ASTN2: variants seen among roughly 807,000 people sequenced by gnomAD.
ASTN2 encodes the protein astrotactin-2.
Under a neutral mutation model 139.8 loss-of-function variants are expected in ASTN2, and 54 were observed. The ratio of observed to expected loss-of-function variants is 0.39; its 90% CI spans 0.31 to 0.48. ASTN2 has a LOEUF of 0.48. Among genes scored for constraint, ASTN2 ranks in the 20% least tolerant of loss-of-function variants. The pLI is 0.95. For missense variants in ASTN2, 1,565 were observed against 1,725.1 expected (o/e 0.91, Z 1.64); for synonymous variants, 756 against 719.5 (o/e 1.05, Z -0.81).
At chr9:117,322,049 C>A (rs903350493) in intron 1 of ASTN2, among the ~76,000 whole-genome samples, 1 of 152,130 alleles carries the variant, frequency 6.6e-6, no homozygotes, top group African/African-American at 2.4e-5. Context: ...ATTCTGGTCC[C>A]TCTGTTTGGA....
intron 10 of ASTN2, among the ~76,000 whole-genome samples, chr9:116,912,327 A>G (rs1834334515): frequency 6.6e-6 from 1 of 152,224 alleles, no homozygotes; most frequent in Non-Finnish European, 1.5e-5. Flanking sequence ...TCTCTTTCCT[A>G]GGCTTAGAGT....
chr9:116,721,740 G>A (rs923620174), intron 16 of ASTN2, among the ~76,000 whole-genome samples: 4 of 152,100 alleles, frequency 2.6e-5, no homozygotes, highest in African/African-American at 4.8e-5. Context: ...AGTCCCCTAC[G>A]GACTACTGGA....
Position 116,698,530 on chromosome 9 carries a change from C to G in ASTN2, c.2806+27241G>C. On this transcript the variant is annotated intron_variant, in intron 16 of 22. Transcript: ENST00000313400. This position sits in a 1 kb window ranked among gnomAD's most constrained non-coding sequence, Gnocchi z 4.4. ...GAGGAGACAGCTGATGAGGAGGAGC[C>G]AGAGCTCACTGCCAGCTTGCCTCGG... The G allele has an allele frequency of 6.2e-7, 1 of 1,613,780 alleles. No individual in the cohort carries two copies. The highest frequency in any genetic ancestry group is 1.3e-5 in the African/African-American group (1 of 75,024).
In ASTN2 at chr9:116,425,633, A is replaced by C. The variant is rs1183915214; in HGVS notation, c.*218T>G. Reference sequence around the variant, plus strand: ...TGATAGAGTCAAATAATATCTTTGAAAAAATAAAAGATAGAGAAAAATGAA... The same window carrying C: ...TGATAGAGTCAAATAATATCTTTGACAAAATAAAAGATAGAGAAAAATGAA... On this transcript the variant is annotated 3_prime_UTR_variant, in exon 23 of 23. Transcript: ENST00000313400. 6.2e-7 allele frequency: 1 copy of C among 1,612,578 alleles called. No homozygotes were observed. Among genetic ancestry groups the C allele is most frequent in the Non-Finnish European group, 8.5e-7 (1 of 1,179,428 alleles).
chr9:116,644,941 C>CAATTCTTTATCTG (rs1337146874), intron 17 of ASTN2, among the ~76,000 whole-genome samples: 2 of 152,102 alleles, frequency 1.3e-5, no homozygotes, highest in Admixed American at 1.3e-4. Context: ...AAATGGAGAC[C>CAATTCTTTATCTG]TAGACAGTAG....
chr9:116,960,485 TTC>T (rs1250820717), intron 10 of ASTN2, among the ~76,000 whole-genome samples: 3 of 150,534 alleles, frequency 2.0e-5, no homozygotes, highest in African/African-American at 4.9e-5. Flanking sequence ...TTTTTTTTTT[TTC>T]ATCCATTCAA....
intron 19 of ASTN2, among the ~76,000 whole-genome samples, chr9:116,535,968 T>C (rs1411104604): frequency 6.6e-6 from 1 of 152,202 alleles, no homozygotes; most frequent in Non-Finnish European, 1.5e-5. Context: ...CTTGGTTCCA[T>C]TCTCCCCGTC....
chr9:117,052,355 G>T (rs1441619285), intron 5 of ASTN2, among the ~76,000 whole-genome samples: 2 of 149,926 alleles, frequency 1.3e-5, no homozygotes, highest in Non-Finnish European at 3.0e-5. Context: ...CAGGAGAATG[G>T]TGTGAACCCA....
At chr9:116,661,292 T>C (rs1858543237) in intron 16 of ASTN2, among the ~76,000 whole-genome samples, 1 of 152,286 alleles carries the variant, frequency 6.6e-6, no homozygotes, top group African/African-American at 2.4e-5. Context: ...GGGAAATCTC[T>C]GTTCTGATCC....
intron 3 of ASTN2, among the ~76,000 whole-genome samples, chr9:117,189,796 T>C (rs1310156167): frequency 6.6e-6 from 1 of 152,166 alleles, no homozygotes. Context: ...TGCCAGCCTC[T>C]GCCTGGCTGG....
chr9:116,608,297 G>A (rs1855320398), intron 19 of ASTN2, among the ~76,000 whole-genome samples: 1 of 152,170 alleles, frequency 6.6e-6, no homozygotes, highest in African/African-American at 2.4e-5. Flanking sequence ...ATGTACATGA[G>A]AAATCTCCCA....
chr9:117,029,585 A>G (rs1402865799), intron 6 of ASTN2, among the ~76,000 whole-genome samples: 1 of 152,082 alleles, frequency 6.6e-6, no homozygotes. Context: ...AAGCTGGAGA[A>G]GGCCGGAGAT....
At chr9:116,878,839 T>A (rs1833372280) in intron 10 of ASTN2, among the ~76,000 whole-genome samples, 1 of 151,678 alleles carries the variant, frequency 6.6e-6, no homozygotes, top group South Asian at 2.1e-4. Flanking sequence ...TATTTATTCA[T>A]AAAGTACCCA....
At chr9:117,311,693 A>G (rs935751569) in intron 1 of ASTN2, among the ~76,000 whole-genome samples, 5 of 152,152 alleles carry the variant, frequency 3.3e-5, no homozygotes, top group African/African-American at 1.2e-4. Context: ...ATTCTTTTTA[A>G]TTGTCCCACA....
At chr9:117,116,184 A>G (rs78123334) in intron 4 of ASTN2, among the ~76,000 whole-genome samples, 8,992 of 152,188 alleles carry the variant, frequency 0.059, 401 homozygotes, top group East Asian at 0.21. Flanking sequence ...CCTCACTCCT[A>G]TCTCCTGGGG....
Position 116,425,965 on chromosome 9 carries a change from C to A in ASTN2, c.3906G>T (p.Glu1302Asp). The part of the protein sequence containing the change: ...TVPYLFCRSE[E>D]VRPAGMVWYS... ...ACCACACCATGCCTGCAGGCCGGAC[C>A]TCCTCGCTGCGGCAGAAAAGATAGG... The change falls in exon 23 of 23, where the codon GAG (glutamate) becomes GAT (aspartate). Residue 1302 changes from glutamate to aspartate, a missense_variant. Physicochemically the swap from Glu to Asp is conservative, Grantham distance 45. Around this residue, in one of 4 missense-constraint regions of ASTN2, gnomAD observed 418 missense variants for 465.8 expected, o/e 0.90. Coordinates refer to ENST00000313400, the MANE Select transcript of ASTN2 (RefSeq NM_001365068.1). The A allele has an allele frequency of 6.2e-7, 1 of 1,614,186 alleles. No homozygotes were observed.
intron 5 of ASTN2, among the ~76,000 whole-genome samples, chr9:117,045,987 C>T (rs62564935): frequency 0.063 from 8,877 of 141,786 alleles, 536 homozygotes; most frequent in African/African-American, 0.14. Context: ...TATGTACGTA[C>T]GTACGTATGT....
chr9:116,677,850 C>T (rs1456711227), intron 16 of ASTN2, among the ~76,000 whole-genome samples: 1 of 152,182 alleles, frequency 6.6e-6, no homozygotes, highest in Non-Finnish European at 1.5e-5. Context: ...TCCTGGCCCT[C>T]TTCCTCCAAG....
chr9:117,020,093 G>GTAA (rs1228013101), intron 6 of ASTN2, among the ~76,000 whole-genome samples: 3 of 150,986 alleles, frequency 2.0e-5, no homozygotes, highest in African/African-American at 7.3e-5. Flanking sequence ...CATCAAAAGG[G>GTAA]TAATCAACTG....
Sources: allele counts gnomAD v4.1 joint callset (sites outside exome capture counted in the v4.1 genomes callset), GRCh38; gene constraint gnomAD v4.1.1; regional missense constraint gnomAD v4.1.1; non-coding constraint Gnocchi (gnomAD v3.1); transcripts MANE v1.5; gene names NCBI Gene and HGNC (gene_info 2026-07-23, HGNC 2026-07-21).